Variants in CCDC170 observed in about 807,000 individuals in gnomAD.
CCDC170 encodes the protein coiled-coil domain-containing protein 170.
CCDC170 carries 69 observed loss-of-function variants against 72.6 expected under a neutral mutation model. The observed-to-expected ratio is 0.95, with a 90% CI of 0.78 to 1.16. The LOEUF (loss-of-function observed/expected upper bound fraction) is 1.16. Ranked by LOEUF, CCDC170 falls within the 50% of genes most tolerant of loss-of-function variation. The probability of loss-of-function intolerance (pLI) is 0.00; values close to 1 mark genes in which losing one functional copy is unlikely to be tolerated. For missense variants in CCDC170, 852 were observed against 832.5 expected, an observed-to-expected ratio of 1.02 and a Z score of -0.29; for synonymous variants, 300 against 303.9, an observed-to-expected ratio of 0.99 and a Z score of 0.13.
At chr6:151,554,872 GTTTTTTT>G (rs1173500486) in intron 5 of CCDC170, among the ~76,000 whole-genome samples, 3 of 102,318 alleles carry the variant, frequency 2.9e-5, no homozygotes, top group Non-Finnish European at 5.6e-5. Context: ...TTGGACCTCA[GTTTTTTT>G]TTTTTTTTTT....
chr6:151,514,932 A>G (rs943568833), intron 1 of CCDC170, among the ~76,000 whole-genome samples: 5 of 152,176 alleles, frequency 3.3e-5, no homozygotes, highest in Admixed American at 2.6e-4. Context: ...GTGACTTTTG[A>G]AAGCTTGGTA....
At chr6:151,574,397 G>T (rs539159998) in intron 6 of CCDC170, among the ~76,000 whole-genome samples, 1 of 152,080 alleles carries the variant, frequency 6.6e-6, no homozygotes, top group Non-Finnish European at 1.5e-5. Flanking sequence ...TGAGTTTACG[G>T]CCTCGGAGAT....
intron 6 of CCDC170, among the ~76,000 whole-genome samples, chr6:151,581,694 G>A (rs775358503): frequency 6.6e-6 from 1 of 152,196 alleles, no homozygotes; most frequent in Non-Finnish European, 1.5e-5. Flanking sequence ...CTCTATGGCA[G>A]CTGTAGCCTT....
chr6:151,601,661 C>T (rs996781546), intron 9 of CCDC170, among the ~76,000 whole-genome samples: 30 of 152,120 alleles, frequency 2.0e-4, no homozygotes, highest in African/African-American at 7.0e-4. Context: ...ATTATGGAGA[C>T]TAGCAGGATG....
chr6:151,523,075 T>G (rs187715821), intron 1 of CCDC170, among the ~76,000 whole-genome samples: 2 of 152,268 alleles, frequency 1.3e-5, no homozygotes, highest in East Asian at 3.9e-4. Context: ...TCTGCTAAAG[T>G]GAGACATGGG....
intron 5 of CCDC170, among the ~76,000 whole-genome samples, chr6:151,561,329 A>G (rs1260241019): frequency 2.0e-5 from 3 of 152,060 alleles, no homozygotes; most frequent in Admixed American, 6.5e-5. Context: ...CTTTGTACTT[A>G]TGTGTGCTTT....
chr6:151,599,863 T>C (rs959342670), intron 9 of CCDC170, among the ~76,000 whole-genome samples: 2 of 152,176 alleles, frequency 1.3e-5, no homozygotes, highest in African/African-American at 4.8e-5. Flanking sequence ...GACAGTGCAA[T>C]ACCCTTCCGG....
chr6:151,535,837 C>T (rs1782567413), intron 1 of CCDC170, among the ~76,000 whole-genome samples: 3 of 152,058 alleles, frequency 2.0e-5, no homozygotes. Flanking sequence ...CCTCAAATTC[C>T]TGGGCTCAAG....
chr6:151,515,705 A>T (rs1370143634), intron 1 of CCDC170, among the ~76,000 whole-genome samples: 1 of 152,180 alleles, frequency 6.6e-6, no homozygotes, highest in South Asian at 2.1e-4. Context: ...AGACCTAATA[A>T]AGGAGAGAGA....
intron 5 of CCDC170, among the ~76,000 whole-genome samples, chr6:151,558,052 T>C (rs1783013380): frequency 6.6e-6 from 1 of 152,034 alleles, no homozygotes; most frequent in Non-Finnish European, 1.5e-5. Flanking sequence ...TGAGCCGAGA[T>C]TGCGCCACTG....
At chr6:151,565,169 G>C (rs1051980822) in intron 5 of CCDC170, among the ~76,000 whole-genome samples, 8 of 152,216 alleles carry the variant, frequency 5.3e-5, no homozygotes, top group African/African-American at 9.6e-5. Flanking sequence ...GTGGGGTATG[G>C]CAGTGGGGCT....
At position 151,619,880 on chromosome 6, in the gene CCDC170, T is replaced by C. The variant is rs1273123630; in HGVS notation, c.*1733T>C. 2 of 152,096 alleles carry C rather than the reference T, an allele frequency of 1.3e-5. No homozygotes were observed. Among genetic ancestry groups the C allele is most frequent in the Non-Finnish European group, 2.9e-5 (2 of 68,044 alleles). 9.4% of individuals were successfully genotyped at this position (152,096 alleles called of 1,614,324 possible). ...AAGCAAATTATTGGCTTCTTTCTTC[T>C]AGACTAAAAGAAATTAAAGAGATGA... On this transcript the variant is annotated 3_prime_UTR_variant, in exon 11 of 11. Coordinates refer to ENST00000239374, the MANE Select transcript of CCDC170 (RefSeq NM_025059.4).
At chr6:151,496,892 G>T (rs1781919497) in intron 1 of CCDC170, among the ~76,000 whole-genome samples, 1 of 152,196 alleles carries the variant, frequency 6.6e-6, no homozygotes, top group Admixed American at 6.5e-5. Context: ...TAAATGTAAG[G>T]CACTCAAGAG....
At chr6:151,547,371 G>C (rs952068678) in intron 4 of CCDC170, among the ~76,000 whole-genome samples, 32 of 152,166 alleles carry the variant, frequency 2.1e-4, no homozygotes, top group African/African-American at 7.7e-4. Context: ...CATGGTGAAA[G>C]GTGCAATACA....
intron 1 of CCDC170, among the ~76,000 whole-genome samples, chr6:151,507,757 C>A (rs559918211): frequency 1.3e-5 from 2 of 152,028 alleles, no homozygotes; most frequent in East Asian, 3.9e-4. Flanking sequence ...CCTGTATCTA[C>A]TAAAAATACA....
At chr6:151,574,170 G>A (rs774079413) in intron 6 of CCDC170, among the ~76,000 whole-genome samples, 6 of 152,214 alleles carry the variant, frequency 3.9e-5, no homozygotes, top group Admixed American at 6.5e-5. Context: ...CTATGATTGC[G>A]TCTCTGCTCT....
At chr6:151,587,120 C>T (rs915686033) in intron 7 of CCDC170, among the ~76,000 whole-genome samples, 16 of 152,080 alleles carry the variant, frequency 1.1e-4, no homozygotes, top group African/African-American at 3.6e-4. Flanking sequence ...GTGATGTCCC[C>T]GTGGAGCTGA....
At chr6:151,610,121 T>C (rs1207631226) in intron 9 of CCDC170, among the ~76,000 whole-genome samples, 1 of 152,242 alleles carries the variant, frequency 6.6e-6, no homozygotes, top group African/African-American at 2.4e-5. Flanking sequence ...AGTTTGTAAG[T>C]GAAAGGAATC....
In CCDC170 at chr6:151,536,463, C is replaced by G. The variant is rs759135370; in HGVS notation, c.186+17C>G. 6.2e-7 allele frequency: 1 copy of G among 1,613,040 alleles called. No homozygotes were observed. Among genetic ancestry groups the G allele is most frequent in the South Asian group, 1.1e-5 (1 of 91,048 alleles). On this transcript the variant is annotated intron_variant, in intron 2 of 10. Transcript: ENST00000239374. The stretch of plus-strand genomic sequence containing the variant: ...CAGTCTGAGGTAAGATAATGCATTT[C>G]CAGCACTCAGAAATGGGCCTTCTTA...
Sources: gnomAD v4.1 joint callset for allele counts (sites outside exome capture counted in the v4.1 genomes callset) on GRCh38, gnomAD v4.1.1 for gene constraint, MANE v1.5 for transcripts, NCBI Gene and HGNC (gene_info 2026-07-23, HGNC 2026-07-21) for gene names.